Variants in TEX35 observed in about 807,000 individuals in gnomAD.
TEX35 encodes testis expressed 35, also known as testis-expressed protein 35.
In TEX35, 26 loss-of-function variants were observed where a neutral mutation model predicts 31.9. That is an observed-to-expected ratio of 0.81 (90% CI 0.60 to 1.13). The LOEUF is 1.13. TEX35 is among the 50% of genes most tolerant of loss of function. The pLI, the probability that TEX35 is intolerant of heterozygous loss-of-function variation, is 0.00. For synonymous variants in TEX35, 87 were observed against 90.7 expected, an observed-to-expected ratio of 0.96 and a Z score of 0.23; for missense variants, 278 against 273.5, an observed-to-expected ratio of 1.02 and a Z score of -0.12.
At chr1:178,518,109 C>A (rs1019581630) in intron 5 of TEX35, among the ~76,000 whole-genome samples, 3 of 152,040 alleles carry the variant, frequency 2.0e-5, no homozygotes, top group African/African-American at 7.2e-5. Flanking sequence ...AGACAATCCA[C>A]AGAAGAGAAT....
At chr1:178,521,523 C>T in intron 8 of TEX35, 1 of 1,253,718 alleles carries the variant, frequency 8.0e-7, no homozygotes, top group Non-Finnish European at 1.1e-6. Context: ...GCGGAACTGA[C>T]CTTGCCTCAG....
intron 5 of TEX35, 51 bp from the exon 6 acceptor site, chr1:178,520,321 T>G (rs752486799): frequency 1.1e-4 from 176 of 1,573,492 alleles, no homozygotes; most frequent in Non-Finnish European, 1.4e-4. Flanking sequence ...GAGGAAGGTA[T>G]TTCCAAAGTC....
intron 7 of TEX35, 81 bp downstream of exon 7, chr1:178,520,955 T>A: frequency 6.3e-7 from 1 of 1,582,172 alleles, no homozygotes; most frequent in Non-Finnish European, 8.6e-7. Flanking sequence ...GAGCTTGTGC[T>A]GTATCATAGT....
chr1:178,520,926 G>T (rs369683534), intron 7 of TEX35, 52 bp downstream of exon 7: 169 of 1,604,278 alleles, frequency 1.1e-4, no homozygotes, highest in Non-Finnish European at 1.3e-4. Context: ...CCTGGCTCCG[G>T]CTCCCTGGTG....
At chr1:178,513,344 C>G in intron 1 of TEX35, 117 bp downstream of exon 1, 2 of 1,321,848 alleles carry the variant, frequency 1.5e-6, no homozygotes, top group Non-Finnish European at 2.1e-6. Flanking sequence ...TTTTCTTTCT[C>G]TGTACTGAGC....
At chr1:178,513,726 C>T (rs184643214) in intron 1 of TEX35, among the ~76,000 whole-genome samples, 27 of 152,356 alleles carry the variant, frequency 1.8e-4, no homozygotes, top group African/African-American at 4.6e-4. Flanking sequence ...ACAACACTTC[C>T]GGGGCTTGCT....
chr1:178,522,323 A>G lies in TEX35; in HGVS notation c.587-2A>G. On this transcript the variant is annotated splice_acceptor_variant, in intron 8 of 8. Coordinates refer to ENST00000319416, the MANE Select transcript of TEX35 (RefSeq NM_032126.5). LOFTEE classifies it high-confidence loss of function. Reference sequence around the variant, plus strand: ...TTCCTCTCCCTCCCTCCACCCCCAAAGGGAACATTCCTTCAGAGGCCTCAG... The same window carrying G: ...TTCCTCTCCCTCCCTCCACCCCCAAGGGGAACATTCCTTCAGAGGCCTCAG... 1 of 1,591,438 alleles carries G rather than the reference A, an allele frequency of 6.3e-7. No individual in the cohort carries two copies. The highest frequency in any genetic ancestry group is 8.6e-7 in the Non-Finnish European group (1 of 1,167,362).
intron 1 of TEX35, 75 bp downstream of exon 1, chr1:178,513,302 G>A (rs1649942988): frequency 6.4e-7 from 1 of 1,568,234 alleles, no homozygotes. Flanking sequence ...TCGGGGCAAG[G>A]GATACAGAGA....
downstream of TEX35, among the ~76,000 whole-genome samples, chr1:178,522,908 A>G (rs911159140): frequency 2.1e-4 from 32 of 152,030 alleles, no homozygotes; most frequent in African/African-American, 7.2e-4. Flanking sequence ...AATTTATTCT[A>G]TTTTTTGTAC....
Position 178,514,681 on chromosome 1 carries a change from T to C in TEX35, c.91-19T>C. 6 of 1,612,724 alleles carry C rather than the reference T, an allele frequency of 3.7e-6. No individual in the cohort carries two copies. Among genetic ancestry groups the C allele is most frequent in the Non-Finnish European group, 5.1e-6 (6 of 1,179,030 alleles). ...CATCTGCAATTCCCAAAGGTCTGTG[T>C]TCCTGTTTCAATCCACAGACATTTG... On this transcript the variant is annotated intron_variant, in intron 2 of 8. Transcript: ENST00000319416.
At chr1:178,519,916 T>C (rs2101897128) in intron 5 of TEX35, among the ~76,000 whole-genome samples, 1 of 152,352 alleles carries the variant, frequency 6.6e-6, no homozygotes, top group East Asian at 1.9e-4. Flanking sequence ...TTTTACTTTT[T>C]GTTGACCATC....
At chr1:178,520,982 C>T in intron 7 of TEX35, 108 bp downstream of exon 7, 1 of 1,554,898 alleles carries the variant, frequency 6.4e-7, no homozygotes, top group Non-Finnish European at 8.7e-7. Context: ...ACAGGTCCGC[C>T]CGCTGCTGAC....
At chr1:178,514,169 GC>G in intron 2 of TEX35, 92 bp downstream of exon 2, 1 of 1,606,572 alleles carries the variant, frequency 6.2e-7, no homozygotes, top group Non-Finnish European at 8.5e-7. Flanking sequence ...GATCCTAGTG[GC>G]CAAGATTTGT....
rs777386242 is a variant in TEX35, at chr1:178,513,194, G to A, written c.6G>A (p.Ser2=). 22 of 1,614,002 alleles carry A rather than the reference G, an allele frequency of 1.4e-5. No homozygotes were observed. The highest frequency in any genetic ancestry group is 6.6e-5 in the South Asian group (6 of 91,078). Residue 2 remains serine (S), a synonymous_variant, in exon 1 of 9, where the codon TCG becomes TCA. Coordinates refer to ENST00000319416, the MANE Select transcript of TEX35 (RefSeq NM_032126.5). The part of the protein sequence containing the change: M[S]AKRAELKKTH... ...ACACCCTGGCCTCCTCCATCATGTC[G>A]GCCAAGAGGGCAGAATTGAAGAAAA...
At chr1:178,513,701 G>A (rs1649958162) in intron 1 of TEX35, among the ~76,000 whole-genome samples, 1 of 152,264 alleles carries the variant, frequency 6.6e-6, no homozygotes, top group Non-Finnish European at 1.5e-5. Context: ...TATGGCCAAA[G>A]CCCTTGCTCT....
chr1:178,522,266 T>C (rs1558040035), intron 8 of TEX35, 59 bp from the exon 9 acceptor site: 2 of 1,516,354 alleles, frequency 1.3e-6, no homozygotes, highest in Non-Finnish European at 1.8e-6. Context: ...TCTTGGGTTC[T>C]GGGGATCCAC....
downstream of TEX35, among the ~76,000 whole-genome samples, chr1:178,523,097 C>G (rs1369562013): frequency 6.6e-6 from 1 of 152,192 alleles, no homozygotes; most frequent in African/African-American, 2.4e-5. Flanking sequence ...ATAATGATTT[C>G]CAGTTCCATC....
At chr1:178,519,602 T>A (rs1388614545) in intron 5 of TEX35, among the ~76,000 whole-genome samples, 1 of 152,270 alleles carries the variant, frequency 6.6e-6, no homozygotes, top group Non-Finnish European at 1.5e-5. Flanking sequence ...GCAGATGGTG[T>A]AATTTCTTGA....
chr1:178,521,912 C>G, intron 8 of TEX35: 1 of 1,309,558 alleles, frequency 7.6e-7, no homozygotes, highest in Non-Finnish European at 1.0e-6. Flanking sequence ...AACCCTTCCC[C>G]CTGCTTCCTG....
Sources: allele counts gnomAD v4.1 joint callset (sites outside exome capture counted in the v4.1 genomes callset), GRCh38; gene constraint gnomAD v4.1.1; transcripts MANE v1.5; gene names NCBI Gene and HGNC (gene_info 2026-07-23, HGNC 2026-07-21).